RHBDD1: variants seen among roughly 807,000 people sequenced by gnomAD.
The protein encoded by RHBDD1 is rhomboid domain containing 1.
A neutral mutation model predicts 36.3 loss-of-function variants in RHBDD1; 38 were observed. That is an observed-to-expected ratio of 1.05 (90% CI 0.81 to 1.37). The LOEUF (loss-of-function observed/expected upper bound fraction) is 1.37. Ranked by LOEUF, RHBDD1 falls within the 40% of genes most tolerant of loss-of-function variation. RHBDD1 has a pLI of 0.00. For synonymous variants in RHBDD1, 151 were observed against 136.5 expected, an observed-to-expected ratio of 1.11 and a Z score of -0.74; for missense variants, 393 against 377.6, an observed-to-expected ratio of 1.04 and a Z score of -0.34.
chr2:226,872,939 A>G (rs1944907914), intron 5 of RHBDD1, among the ~76,000 whole-genome samples: 1 of 152,248 alleles, frequency 6.6e-6, no homozygotes, highest in African/African-American at 2.4e-5. Context: ...ATTATCATAT[A>G]TGTTCCTGAT....
At chr2:226,991,475 C>T (rs935176015) in intron 8 of RHBDD1, among the ~76,000 whole-genome samples, 1 of 152,190 alleles carries the variant, frequency 6.6e-6, no homozygotes, top group Non-Finnish European at 1.5e-5. Context: ...CCACCATGCC[C>T]AGCCCATTTT....
intron 5 of RHBDD1, among the ~76,000 whole-genome samples, chr2:226,874,606 CTG>C (rs1945061569): frequency 6.6e-6 from 1 of 152,268 alleles, no homozygotes; most frequent in African/African-American, 2.4e-5. Context: ...CTTTTTCTAT[CTG>C]TGTTAAATAT....
At chr2:226,861,840 C>T (rs1206564550) in intron 3 of RHBDD1, among the ~76,000 whole-genome samples, 1 of 152,066 alleles carries the variant, frequency 6.6e-6, no homozygotes, top group East Asian at 1.9e-4. Context: ...AAATATAGGC[C>T]ATTTATCCAA....
chr2:226,883,037 A>G (rs989410365), intron 5 of RHBDD1, among the ~76,000 whole-genome samples: 2 of 152,234 alleles, frequency 1.3e-5, no homozygotes, highest in Non-Finnish European at 2.9e-5. Context: ...CCATCTCTAA[A>G]TAGCATCACA....
the RHBDD1 span, among the ~76,000 whole-genome samples, chr2:226,802,041 G>C: frequency 6.7e-6 from 1 of 149,874 alleles, no homozygotes; most frequent in African/African-American, 2.4e-5. Context: ...CCCAAAAAAA[G>C]CTAAATAAAG....
At chr2:226,857,708 A>T (rs751067246) in intron 3 of RHBDD1, among the ~76,000 whole-genome samples, 29 of 152,188 alleles carry the variant, frequency 1.9e-4, no homozygotes, top group Non-Finnish European at 3.4e-4. Flanking sequence ...CTTCATGTAG[A>T]TGAAATGTCC....
In RHBDD1 at chr2:226,979,115, C is replaced by T. The variant is rs143825119; in HGVS notation, c.857-16316C>T. Among the ~76,000 whole-genome samples, 405 of 152,210 alleles carry T rather than the reference C, an allele frequency of 2.7e-3. 2 individuals are homozygous for T. Among genetic ancestry groups the T allele is most frequent in the Non-Finnish European group, 4.1e-3 (280 of 68,000 alleles). On this transcript the variant is annotated intron_variant, in intron 8 of 8. Transcript: ENST00000392062. Reference sequence around the variant, plus strand: ...TGGCTCATTCCCAGTCCAAAAGCCTCAAAACAAAGGAAACCTGCAGCGCAG... The same window carrying T: ...TGGCTCATTCCCAGTCCAAAAGCCTTAAAACAAAGGAAACCTGCAGCGCAG...
At chr2:226,982,093 T>C (rs535096422) in intron 8 of RHBDD1, among the ~76,000 whole-genome samples, 3 of 152,256 alleles carry the variant, frequency 2.0e-5, no homozygotes, top group Non-Finnish European at 4.4e-5. Flanking sequence ...CCTCTTTTCT[T>C]TTCTTGCCCA....
intron 3 of RHBDD1, among the ~76,000 whole-genome samples, chr2:226,851,419 T>C (rs1182884356): frequency 1.3e-5 from 2 of 151,998 alleles, no homozygotes; most frequent in Non-Finnish European, 2.9e-5. Context: ...AGAAACCAGT[T>C]GTTCAGGAGG....
intron 8 of RHBDD1, among the ~76,000 whole-genome samples, chr2:226,981,361 A>G (rs1955698803): frequency 6.6e-6 from 1 of 152,120 alleles, no homozygotes; most frequent in Non-Finnish European, 1.5e-5. Context: ...AACTTAAAGT[A>G]TAATAAAAAA....
the RHBDD1 span, among the ~76,000 whole-genome samples, chr2:226,800,846 T>C: frequency 6.6e-6 from 1 of 152,198 alleles, no homozygotes; most frequent in South Asian, 2.1e-4. Context: ...CCAGCTCAAC[T>C]GTACAGGAAA....
rs1167798270 is a variant in RHBDD1 at position 226,998,315 on chromosome 2, A to G, written c.*2793A>G. ...GTTTGAGTAGAACTAGATCCTGTCTATCTATTTGGCACATGTTCTGCTGCC... is the reference window on the plus strand; with the variant it reads ...GTTTGAGTAGAACTAGATCCTGTCTGTCTATTTGGCACATGTTCTGCTGCC... On this transcript the variant is annotated 3_prime_UTR_variant, in exon 9 of 9. Transcript: ENST00000392062. The G allele has an allele frequency of 2.0e-5, 3 of 152,106 alleles. No homozygotes were observed. The highest frequency in any genetic ancestry group is 4.8e-5 in the African/African-American group (2 of 41,396). 9.4% of individuals were successfully genotyped at this position (152,106 alleles called of 1,614,324 possible). A position where few individuals can be genotyped will look rare whatever the true frequency, so the allele number is the denominator to read the frequency against.
At chr2:226,848,322 G>A (rs1450757983) in intron 3 of RHBDD1, among the ~76,000 whole-genome samples, 1 of 152,144 alleles carries the variant, frequency 6.6e-6, no homozygotes, top group Non-Finnish European at 1.5e-5. Context: ...AAAAATGCAT[G>A]AATATCTTAA....
In RHBDD1 at chr2:226,866,717, TTCCTGACA is replaced by T. The variant is rs1415024928; in HGVS notation, c.434-464_434-457del. On this transcript the variant is annotated intron_variant, in intron 4 of 8. Transcript: ENST00000392062. ...GGAAATCTAATCCTTCCTTCTGCTT[TTCCTGACA>T]TCCTTCCCCTTTCCTTCCAAGATGT... 2.6e-5 allele frequency among the ~76,000 whole-genome samples: 4 copies of T among 152,218 alleles called. No individual in the cohort carries two copies. In the East Asian group the frequency reaches 7.7e-4, roughly 29 times the overall value.
At chr2:226,852,304 G>T (rs563807965) in intron 3 of RHBDD1, among the ~76,000 whole-genome samples, 53 of 152,258 alleles carry the variant, frequency 3.5e-4, no homozygotes, top group African/African-American at 1.2e-3. Context: ...TTTCGCCGCA[G>T]TAATTTTTGT....
chr2:226,846,430 T>A (rs1942220154), intron 3 of RHBDD1, among the ~76,000 whole-genome samples: 1 of 152,156 alleles, frequency 6.6e-6, no homozygotes, highest in African/African-American at 2.4e-5. Flanking sequence ...AACTTCCAGC[T>A]TTTGTAGGTT....
intron 8 of RHBDD1, among the ~76,000 whole-genome samples, chr2:226,920,881 T>C (rs577978001): frequency 6.6e-6 from 1 of 152,292 alleles, no homozygotes; most frequent in Admixed American, 6.5e-5. Flanking sequence ...ATAGAATTAG[T>C]GTGGAAGTAT....
At chr2:226,813,598 G>A in the RHBDD1 span, among the ~76,000 whole-genome samples, 329 of 152,214 alleles carry the variant, frequency 2.2e-3, 1 homozygote, top group African/African-American at 6.8e-3. Context: ...CCTTCACTCC[G>A]CTCTGTCACT....
At chr2:226,898,441 A>G (rs1385721381) in intron 5 of RHBDD1, among the ~76,000 whole-genome samples, 2 of 152,196 alleles carry the variant, frequency 1.3e-5, no homozygotes, top group Admixed American at 6.5e-5. Flanking sequence ...GCCATGTTTA[A>G]TAAATCATCA....
Sources: allele counts gnomAD v4.1 joint callset (sites outside exome capture counted in the v4.1 genomes callset), GRCh38; gene constraint gnomAD v4.1.1; transcripts MANE v1.5; gene names NCBI Gene and HGNC (gene_info 2026-07-23, HGNC 2026-07-21).